The following PRIM2 variants were observed in gnomAD, a reference collection of about 807,000 sequenced individuals.
The protein encoded by PRIM2 is DNA primase subunit 2.
In PRIM2, 39 loss-of-function variants were observed where a neutral mutation model predicts 67.3. That is an observed-to-expected ratio of 0.58 (90% CI 0.45 to 0.76). The LOEUF (loss-of-function observed/expected upper bound fraction) is 0.76, where lower values mean the gene tolerates loss of function less well. PRIM2 is among the 30% of genes least tolerant of loss of function. The pLI is 0.00. For missense variants in PRIM2, 398 were observed against 598.7 expected (o/e 0.66, Z 3.50); for synonymous variants, 143 against 198.7 (o/e 0.72, Z 2.36).
At chr6:57,265,691 A>AT in the PRIM2 span, among the ~76,000 whole-genome samples, 4 of 152,278 alleles carry the variant, frequency 2.6e-5, no homozygotes, top group East Asian at 1.9e-4. Flanking sequence ...ATTAAACAGA[A>AT]TTTTTTTATA....
intron 7 of PRIM2, among the ~76,000 whole-genome samples, chr6:57,429,118 GA>G (rs1771734251): frequency 6.6e-6 from 1 of 152,134 alleles, no homozygotes; most frequent in Admixed American, 6.5e-5. Flanking sequence ...TGTTGTTAAA[GA>G]AAAAACTTAT....
At chr6:57,600,181 T>C (rs1196993248) in intron 10 of PRIM2, among the ~76,000 whole-genome samples, 318 of 152,294 alleles carry the variant, frequency 2.1e-3, no homozygotes, top group African/African-American at 7.3e-3. Context: ...TGCTGGTTCC[T>C]TTTGTTCTCC....
chr6:57,390,694 T>C (rs556304365), intron 7 of PRIM2, among the ~76,000 whole-genome samples: 2 of 152,336 alleles, frequency 1.3e-5, no homozygotes, highest in East Asian at 3.9e-4. Context: ...GCTCCATCCA[T>C]GTTCCCACAA....
chr6:57,548,172 C>T (rs1775327148), intron 10 of PRIM2, among the ~76,000 whole-genome samples: 1 of 152,160 alleles, frequency 6.6e-6, no homozygotes, highest in African/African-American at 2.4e-5. Context: ...TTTATTTCTT[C>T]TAGTTATGAC....
chr6:57,539,265 C>CA (rs1301264620), intron 10 of PRIM2, among the ~76,000 whole-genome samples: 1 of 152,044 alleles, frequency 6.6e-6, no homozygotes, highest in Non-Finnish European at 1.5e-5. Flanking sequence ...TAATTACTGT[C>CA]AACATTGAAG....
chr6:57,436,522 C>G (rs1772019218), intron 7 of PRIM2, among the ~76,000 whole-genome samples: 1 of 152,168 alleles, frequency 6.6e-6, no homozygotes, highest in Non-Finnish European at 1.5e-5. Flanking sequence ...TAGTCCTGAA[C>G]ACTGGGGAGT....
chr6:57,311,247 A>G (rs866642869), upstream of PRIM2, among the ~76,000 whole-genome samples: 2,434 of 15,136 alleles, frequency 0.16, 1 homozygote, highest in East Asian at 0.19. Context: ...CGGACGGGGC[A>G]TCCGGGCAGA....
the PRIM2 span, among the ~76,000 whole-genome samples, chr6:57,226,474 A>C: frequency 2.0e-5 from 3 of 152,210 alleles, no homozygotes; most frequent in Non-Finnish European, 4.4e-5. Context: ...GCCAGTGTGC[A>C]GGAGTGAGGT....
At chr6:57,449,368 G>A (rs541826893) in intron 7 of PRIM2, among the ~76,000 whole-genome samples, 1 of 152,074 alleles carries the variant, frequency 6.6e-6, no homozygotes, top group East Asian at 1.9e-4. Context: ...GTTGTTCTTA[G>A]GCCTGACTCT....
At chr6:57,459,468 C>G in intron 7 of PRIM2, among the ~76,000 whole-genome samples, 1 of 152,176 alleles carries the variant, frequency 6.6e-6, no homozygotes. Flanking sequence ...CTAAGATGCT[C>G]TTATAACTGA....
intron 10 of PRIM2, among the ~76,000 whole-genome samples, chr6:57,548,597 A>G (rs1438128377): frequency 2.6e-5 from 4 of 152,084 alleles, no homozygotes; most frequent in African/African-American, 9.7e-5. Flanking sequence ...TGAGTGTAGA[A>G]TTTGTTTCTT....
chr6:57,644,566 A>G (rs1360754942), intron 13 of PRIM2, among the ~76,000 whole-genome samples: 5 of 152,208 alleles, frequency 3.3e-5, no homozygotes, highest in African/African-American at 1.2e-4. Context: ...AGTCTTTTAT[A>G]TAGTAAGGCT....
In PRIM2 at chr6:57,354,602, T is replaced by A. The variant is rs573516595; in HGVS notation, c.460-25299T>A. Among the ~76,000 whole-genome samples, 38 of 152,320 alleles carry A rather than the reference T, an allele frequency of 2.5e-4. No individual in the cohort carries two copies. The East Asian group carries it at 7.1e-3, about 29-fold the overall frequency. On this transcript the variant is annotated intron_variant, in intron 5 of 13. Transcript: ENST00000615550. ...TAATTTGCTAATCATATCCATTTGA[T>A]TAGAGGCAGATGCTGATTATCTGCA...
At chr6:57,531,525 C>A (rs1285450910) in intron 8 of PRIM2, among the ~76,000 whole-genome samples, 5 of 152,224 alleles carry the variant, frequency 3.3e-5, no homozygotes, top group African/African-American at 1.2e-4. Flanking sequence ...AGTCTGTGTT[C>A]ATGGAGTTGG....
intron 7 of PRIM2, among the ~76,000 whole-genome samples, chr6:57,399,550 A>G (rs537384052): frequency 0.018 from 2,667 of 152,302 alleles, 35 homozygotes; most frequent in Non-Finnish European, 0.029. Context: ...CTTTGGATAT[A>G]TACCCAGTAA....
chr6:57,638,576 CA>C (rs1227220865), intron 13 of PRIM2, among the ~76,000 whole-genome samples: 1,781 of 32,028 alleles, frequency 0.056, 27 homozygotes, highest in African/African-American at 0.2. Context: ...AAACAGAAAG[CA>C]AAAAAAAAAA....
At chr6:57,311,701 G>A (rs6916718), upstream of PRIM2, among the ~76,000 whole-genome samples, 112,735 of 151,578 alleles carry the variant, frequency 0.74, 42,062 homozygotes, top group East Asian at 0.94. Context: ...AAGTTGTAGC[G>A]AGCCGAGATC....
the PRIM2 span, among the ~76,000 whole-genome samples, chr6:57,284,813 T>C: frequency 6.6e-6 from 1 of 151,962 alleles, no homozygotes; most frequent in Non-Finnish European, 1.5e-5. Flanking sequence ...AGGATATACA[T>C]GTAAAGATAT....
At chr6:57,633,578 C>G (rs1359784287) in intron 13 of PRIM2, among the ~76,000 whole-genome samples, 3 of 151,920 alleles carry the variant, frequency 2.0e-5, no homozygotes, top group African/African-American at 4.8e-5. Context: ...AATAGTAATA[C>G]CAGCCAATAT....
Sources: allele counts gnomAD v4.1 joint callset (sites outside exome capture counted in the v4.1 genomes callset), GRCh38; gene constraint gnomAD v4.1.1; transcripts MANE v1.5; gene names NCBI Gene and HGNC (gene_info 2026-07-23, HGNC 2026-07-21).